The following BMPR2 variants were observed in gnomAD, a reference collection of about 807,000 sequenced individuals.
The protein encoded by BMPR2 is bone morphogenetic protein receptor type 2.
A neutral mutation model predicts 100.8 loss-of-function variants in BMPR2; 29 were observed. That is an observed-to-expected ratio of 0.29 (90% CI 0.21 to 0.39). The LOEUF is 0.39. Ranked by LOEUF, BMPR2 falls within the 10% of genes least tolerant of loss-of-function variation. BMPR2 has a pLI of 1.00. For synonymous variants in BMPR2, 382 were observed against 442.3 expected, an observed-to-expected ratio of 0.86 and a Z score of 1.71; for missense variants, 1,011 against 1,274.5, an observed-to-expected ratio of 0.79 and a Z score of 3.15.
At chr2:202,545,049 A>G (rs1688350287) in intron 10 of BMPR2, among the ~76,000 whole-genome samples, 2 of 151,754 alleles carry the variant, frequency 1.3e-5, no homozygotes, top group African/African-American at 4.8e-5. Flanking sequence ...AGCATGAGCC[A>G]TCATGCCTGG....
At chr2:202,391,179 T>C (rs1320924376) in intron 1 of BMPR2, among the ~76,000 whole-genome samples, 3 of 151,884 alleles carry the variant, frequency 2.0e-5, no homozygotes, top group African/African-American at 7.3e-5. Context: ...TTTCTCCATG[T>C]TGGTCAGGCT....
intron 3 of BMPR2, among the ~76,000 whole-genome samples, chr2:202,497,148 G>A (rs182551144): frequency 5.9e-5 from 9 of 152,318 alleles, no homozygotes; most frequent in East Asian, 5.8e-4. Context: ...GCCTTCCCGC[G>A]GGGCAGGGCT....
rs1450052204 is a variant in BMPR2, at chr2:202,562,725, A to G, written c.*2779A>G. ...AAGTCTAATATTAGTTCCCTTAACA[A>G]AATCCTAACTGTATACCAGAATTAG... On this transcript the variant is annotated 3_prime_UTR_variant, in exon 13 of 13. Transcript: ENST00000374580. 1 of 152,206 alleles carries G rather than the reference A, an allele frequency of 6.6e-6. No individual in the cohort carries two copies. Among genetic ancestry groups the G allele is most frequent in the Non-Finnish European group, 1.5e-5 (1 of 68,026 alleles). The allele number at this position is 152,206 out of a possible 1,614,324, so 9.4% of individuals were successfully genotyped here. A position where few individuals can be genotyped will look rare whatever the true frequency, so the allele number is the denominator to read the frequency against.
Position 202,447,998 on chromosome 2 carries a change from T to A in BMPR2, c.77-16811T>A, listed in dbSNP as rs1024354133. Among the ~76,000 whole-genome samples, 4 of 150,476 alleles carry A rather than the reference T, an allele frequency of 2.7e-5. 1 individual carries two copies. Among genetic ancestry groups the A allele is most frequent in the African/African-American group, 1.0e-4 (4 of 39,812 alleles). On this transcript the variant is annotated intron_variant, in intron 1 of 12. Coordinates refer to ENST00000374580, the MANE Select transcript of BMPR2 (RefSeq NM_001204.7). ...CCAAAACCATCTCATGGAATTCTTATTTATTTGTTTATGGGTTTATGACTT... is the reference window on the plus strand; with the variant it reads ...CCAAAACCATCTCATGGAATTCTTAATTATTTGTTTATGGGTTTATGACTT...
At chr2:202,511,669 A>C (rs954980873) in intron 3 of BMPR2, among the ~76,000 whole-genome samples, 5 of 152,030 alleles carry the variant, frequency 3.3e-5, no homozygotes, top group Non-Finnish European at 7.3e-5. Context: ...TCTGCCTGTA[A>C]CTTACTCTGT....
chr2:202,515,763 C>T (rs1687700795), intron 5 of BMPR2, among the ~76,000 whole-genome samples: 1 of 152,032 alleles, frequency 6.6e-6, no homozygotes, highest in South Asian at 2.1e-4. Flanking sequence ...GTGGCGCCCG[C>T]CTGTAGTCCC....
At chr2:202,404,194 G>GTTT (rs747014208) in intron 1 of BMPR2, among the ~76,000 whole-genome samples, 4 of 133,794 alleles carry the variant, frequency 3.0e-5, no homozygotes, top group Non-Finnish European at 4.8e-5. Flanking sequence ...TCTTTGGGTT[G>GTTT]TTTTTTTTTT....
chr2:202,520,236 T>G (rs753479488), intron 7 of BMPR2, 35 bp downstream of exon 7: 1 of 1,465,242 alleles, frequency 6.8e-7, no homozygotes, highest in Admixed American at 1.7e-5. Context: ...GACACTCATG[T>G]GGGTTCAAAA....
At chr2:202,409,371 A>G (rs1690965644) in intron 1 of BMPR2, among the ~76,000 whole-genome samples, 3 of 152,104 alleles carry the variant, frequency 2.0e-5, no homozygotes, top group Non-Finnish European at 4.4e-5. Flanking sequence ...GATTACACAT[A>G]TATTTCAAAA....
intron 1 of BMPR2, among the ~76,000 whole-genome samples, chr2:202,378,233 CA>C (rs1690195647): frequency 6.6e-6 from 1 of 152,158 alleles, no homozygotes; most frequent in Non-Finnish European, 1.5e-5. Flanking sequence ...AGTTCTTTGA[CA>C]TTTCACTAAA....
rs1692136222 is a variant in BMPR2 at position 202,457,470 on chromosome 2, C to T, written c.77-7339C>T. Among the ~76,000 whole-genome samples the T allele has an allele frequency of 3.5e-5, 5 of 143,634 alleles. No individual in the cohort carries two copies. In the Admixed American group the frequency reaches 3.5e-4, roughly 10 times the overall value. 94.2% of individuals were successfully genotyped at this position (143,634 alleles called of 152,430 possible). On this transcript the variant is annotated intron_variant, in intron 1 of 12. Transcript: ENST00000374580. ...ACTTTTTTTAGAATGAAAGAAGAAACAGAAAAATGACATAAAGATCAATTA... is the reference window on the plus strand; with the variant it reads ...ACTTTTTTTAGAATGAAAGAAGAAATAGAAAAATGACATAAAGATCAATTA...
chr2:202,534,823 C>CCCGGACGGGGCGGCTGG (rs1688099835), intron 9 of BMPR2, among the ~76,000 whole-genome samples: 1 of 151,902 alleles, frequency 6.6e-6, no homozygotes. Flanking sequence ...CTCCTCACCT[C>CCCGGACGGGGCGGCTGG]CCGGACGGGG....
At chr2:202,526,552 GTAGTGCT>G (rs1165259234) in intron 7 of BMPR2, among the ~76,000 whole-genome samples, 1 of 152,200 alleles carries the variant, frequency 6.6e-6, no homozygotes, top group Non-Finnish European at 1.5e-5. Flanking sequence ...TGCACTTGCT[GTAGTGCT>G]TTAGCACATT....
chr2:202,524,880 A>C (rs1481247024), intron 7 of BMPR2, among the ~76,000 whole-genome samples: 1 of 146,884 alleles, frequency 6.8e-6, no homozygotes, highest in African/African-American at 2.5e-5. Flanking sequence ...TAAAAATATC[A>C]AAAAAAAAAA....
intron 1 of BMPR2, among the ~76,000 whole-genome samples, chr2:202,414,597 C>T (rs1245660586): frequency 4.6e-5 from 7 of 152,202 alleles, no homozygotes; most frequent in African/African-American, 7.2e-5. Flanking sequence ...AAAAGTGTTA[C>T]TCCAGTGAAT....
chr2:202,485,821 G>A (rs530880069), intron 3 of BMPR2, among the ~76,000 whole-genome samples: 3 of 151,598 alleles, frequency 2.0e-5, no homozygotes, highest in African/African-American at 4.8e-5. Context: ...CTGAGATTAC[G>A]GGCATGAGCC....
At chr2:202,403,292 C>T (rs1274408167) in intron 1 of BMPR2, among the ~76,000 whole-genome samples, 5 of 149,886 alleles carry the variant, frequency 3.3e-5, no homozygotes, top group African/African-American at 9.8e-5. Flanking sequence ...CTCCGCCTCC[C>T]GGGTTCAAGC....
chr2:202,424,070 CAAAA>C (rs773518674), intron 1 of BMPR2, among the ~76,000 whole-genome samples: 2 of 58,762 alleles, frequency 3.4e-5, no homozygotes. Flanking sequence ...AAGACTGTCT[CAAAA>C]AAAAAAAAAA....
rs1302960521 is a variant in BMPR2 at position 202,532,507 on chromosome 2, A to G, written c.1129-78A>G. 6.6e-7 allele frequency: 1 copy of G among 1,514,186 alleles called. No homozygotes were observed. The highest frequency in any genetic ancestry group is 9.1e-7 in the Non-Finnish European group (1 of 1,095,626). 93.8% of individuals were successfully genotyped at this position (1,514,186 alleles called of 1,614,324 possible). ...TAACATTGACATGACTAAGATTTATATATAACTTCTGGTCTAATGTCTGTT... is the reference window on the plus strand; with the variant it reads ...TAACATTGACATGACTAAGATTTATGTATAACTTCTGGTCTAATGTCTGTT... On this transcript the variant is annotated intron_variant, in intron 8 of 12. Transcript: ENST00000374580. This position sits in a 1 kb window ranked among gnomAD's most constrained non-coding sequence, Gnocchi z 4.1.
Sources: gnomAD v4.1 joint callset for allele counts (sites outside exome capture counted in the v4.1 genomes callset) on GRCh38, gnomAD v4.1.1 for gene constraint, Gnocchi (gnomAD v3.1) non-coding constraint, MANE v1.5 for transcripts, NCBI Gene and HGNC (gene_info 2026-07-23, HGNC 2026-07-21) for gene names.